Variants in SLIT3 observed in about 807,000 individuals in gnomAD.
The protein encoded by SLIT3 is slit guidance ligand 3.
SLIT3 carries 68 observed loss-of-function variants against 184.0 expected under a neutral mutation model. The ratio of observed to expected loss-of-function variants is 0.37; its 90% CI spans 0.30 to 0.45. The LOEUF is 0.45. Ranked by LOEUF, SLIT3 falls within the 20% of genes least tolerant of loss-of-function variation. SLIT3 has a pLI of 1.00. For missense variants in SLIT3, 1,707 were observed against 2,026.0 expected (o/e 0.84, Z 3.02); for synonymous variants, 831 against 828.6 (o/e 1.00, Z -0.05).
intron 3 of SLIT3, among the ~76,000 whole-genome samples, chr5:169,211,941 A>G (rs947312260): frequency 9.9e-5 from 15 of 152,140 alleles, no homozygotes; most frequent in African/African-American, 3.6e-4. Flanking sequence ...CTTCATCCAT[A>G]TTCCTGCAAA....
At chr5:168,777,577 G>GC (rs1249752809) in intron 12 of SLIT3, among the ~76,000 whole-genome samples, 4 of 152,074 alleles carry the variant, frequency 2.6e-5, no homozygotes, top group African/African-American at 9.7e-5. Context: ...AATATGTAAG[G>GC]CATCAAAACA....
intron 3 of SLIT3, among the ~76,000 whole-genome samples, chr5:169,230,912 A>T (rs1275520335): frequency 6.6e-6 from 1 of 152,210 alleles, no homozygotes; most frequent in Non-Finnish European, 1.5e-5. Context: ...AAGGATAAAT[A>T]TATTTTGAGT....
intron 4 of SLIT3, among the ~76,000 whole-genome samples, chr5:169,083,623 C>T (rs78335220): frequency 0.014 from 2,165 of 152,284 alleles, 128 homozygotes; most frequent in Admixed American, 0.11. Context: ...GTTTAATTAG[C>T]CATCTATATG....
intron 4 of SLIT3, among the ~76,000 whole-genome samples, chr5:169,114,984 C>G (rs772144323): frequency 6.6e-6 from 1 of 152,166 alleles, no homozygotes; most frequent in Admixed American, 6.5e-5. Context: ...AGGAGGTGTG[C>G]TAATCTGCCT....
chr5:168,722,886 C>T lies in SLIT3; in HGVS notation c.2411+47G>A, dbSNP rs751943295. 1.1e-5 allele frequency: 15 copies of T among 1,426,200 alleles called. No homozygotes were observed. The Admixed American group carries it at 2.0e-4, about 19-fold the overall frequency. 88.3% of individuals were successfully genotyped at this position (1,426,200 alleles called of 1,614,324 possible). ...GAGGGAGGGAAAGAGTAACCATCTA[C>T]TGCTAGGCCCAAGGGCATGGTAAAC... is the stretch of plus-strand genomic sequence containing the variant. On this transcript the variant is annotated intron_variant, in intron 22 of 35. Transcript: ENST00000519560.
chr5:168,738,068 G>A (rs990674847), intron 20 of SLIT3, among the ~76,000 whole-genome samples: 1 of 152,134 alleles, frequency 6.6e-6, no homozygotes, highest in East Asian at 1.9e-4. Flanking sequence ...TCTATCCATT[G>A]CCCACCAATA....
chr5:169,203,697 A>T (rs956192870), intron 3 of SLIT3, among the ~76,000 whole-genome samples: 3 of 152,148 alleles, frequency 2.0e-5, no homozygotes, highest in Non-Finnish European at 2.9e-5. Context: ...AGGTGTTAAG[A>T]AGTAGTCAAA....
At chr5:169,114,676 C>T (rs1159029698) in intron 4 of SLIT3, among the ~76,000 whole-genome samples, 3 of 152,178 alleles carry the variant, frequency 2.0e-5, no homozygotes, top group African/African-American at 7.2e-5. Flanking sequence ...GGGAAACAGA[C>T]CTGTGCCTGC....
intron 12 of SLIT3, among the ~76,000 whole-genome samples, chr5:168,779,328 T>C (rs1225073507): frequency 3.9e-5 from 6 of 152,206 alleles, no homozygotes; most frequent in Admixed American, 3.9e-4. Context: ...GGAGGTACCC[T>C]GTTTGTAGCC....
intron 35 of SLIT3, 135 bp from the exon 36 acceptor site, chr5:168,666,824 C>T (rs779933173): frequency 9.3e-6 from 13 of 1,394,548 alleles, no homozygotes; most frequent in Non-Finnish European, 1.3e-5. Flanking sequence ...CATCTGCCTA[C>T]CCTCCCCTCC....
chr5:169,085,917 T>A (rs1759275492), intron 4 of SLIT3, among the ~76,000 whole-genome samples: 1 of 152,096 alleles, frequency 6.6e-6, no homozygotes, highest in Non-Finnish European at 1.5e-5. Flanking sequence ...GTCTTTGACC[T>A]CCATCTGACT....
intron 11 of SLIT3, among the ~76,000 whole-genome samples, chr5:168,786,717 G>T (rs1163986687): frequency 6.6e-6 from 1 of 152,098 alleles, no homozygotes; most frequent in Non-Finnish European, 1.5e-5. Context: ...GGGGAGGAAG[G>T]CTACTGGGTC....
intron 4 of SLIT3, among the ~76,000 whole-genome samples, chr5:169,069,611 C>T (rs1758472801): frequency 2.0e-5 from 3 of 152,180 alleles, no homozygotes; most frequent in South Asian, 2.1e-4. Flanking sequence ...ACTCTATGTG[C>T]GGTAAGGTTA....
chr5:168,867,956 C>T (rs1336130100), intron 5 of SLIT3, among the ~76,000 whole-genome samples: 1 of 152,228 alleles, frequency 6.6e-6, no homozygotes, highest in Non-Finnish European at 1.5e-5. Context: ...ATGGGACCCA[C>T]AGATGACTGG....
intron 4 of SLIT3, among the ~76,000 whole-genome samples, chr5:168,931,279 A>G (rs1159958059): frequency 1.3e-5 from 2 of 152,236 alleles, no homozygotes; most frequent in Non-Finnish European, 2.9e-5. Context: ...TTTACCTGGC[A>G]ATTGCCTTTT....
intron 4 of SLIT3, among the ~76,000 whole-genome samples, chr5:169,062,047 G>C (rs1314146341): frequency 1.3e-5 from 2 of 152,092 alleles, no homozygotes; most frequent in Non-Finnish European, 2.9e-5. Context: ...AGACGGGCGT[G>C]GTGGTGGGTG....
intron 4 of SLIT3, among the ~76,000 whole-genome samples, chr5:169,031,740 G>T (rs1291817913): frequency 6.6e-6 from 1 of 152,210 alleles, no homozygotes; most frequent in Non-Finnish European, 1.5e-5. Flanking sequence ...AAGTTGGGTA[G>T]TCATTGCAGG....
intron 3 of SLIT3, among the ~76,000 whole-genome samples, chr5:169,229,642 T>TTCTCTC (rs60056409): frequency 0.016 from 2,354 of 148,296 alleles, 48 homozygotes; most frequent in African/African-American, 0.048. Context: ...AAATAAATTC[T>TTCTCTC]TCTCTCTCTC....
chr5:169,268,827 CA>C (rs1561778092), intron 1 of SLIT3, among the ~76,000 whole-genome samples: 1 of 152,174 alleles, frequency 6.6e-6, no homozygotes, highest in Admixed American at 6.5e-5. Context: ...ATAAAAATAA[CA>C]ATTAATAATG....
Sources: gnomAD v4.1 joint callset for allele counts (sites outside exome capture counted in the v4.1 genomes callset) on GRCh38, gnomAD v4.1.1 for gene constraint, MANE v1.5 for transcripts, NCBI Gene and HGNC (gene_info 2026-07-23, HGNC 2026-07-21) for gene names.